POLR3D: variants seen among roughly 807,000 people sequenced by gnomAD.
POLR3D encodes DNA-directed RNA polymerase III subunit RPC4.
POLR3D carries 42 observed loss-of-function variants against 44.5 expected under a neutral mutation model. The observed-to-expected ratio is 0.94, with a 90% CI of 0.74 to 1.22. The LOEUF (loss-of-function observed/expected upper bound fraction) is 1.22. Ranked by LOEUF, POLR3D falls within the 50% of genes most tolerant of loss-of-function variation. POLR3D has a pLI of 0.00. For missense variants in POLR3D, 507 were observed against 505.2 expected, an observed-to-expected ratio of 1.00 and a Z score of -0.03; for synonymous variants, 217 against 198.1, an observed-to-expected ratio of 1.10 and a Z score of -0.80.
chr8:22,249,957 C>A, intron 7 of POLR3D, 118 bp from the exon 8 acceptor site: 1 of 1,132,336 alleles, frequency 8.8e-7, no homozygotes, highest in Non-Finnish European at 1.3e-6. Flanking sequence ...AGAAGGCACT[C>A]TTTGGGGAGC....
chr8:22,247,634 T>G (rs538604443), intron 3 of POLR3D, among the ~76,000 whole-genome samples: 1 of 152,244 alleles, frequency 6.6e-6, no homozygotes, highest in African/African-American at 2.4e-5. Flanking sequence ...CAAACAAAAA[T>G]CTATATTTTT....
At chr8:22,248,685 T>C (rs1475660022) in intron 6 of POLR3D, 36 bp downstream of exon 6, 9 of 1,583,050 alleles carry the variant, frequency 5.7e-6, no homozygotes, top group South Asian at 1.1e-5. Context: ...TCCAATTCCA[T>C]GGCTGCTCCC....
Position 22,250,378 on chromosome 8 carries a change from GTCTCTGTTA to G in POLR3D, c.1075-17_1075-9del, listed in dbSNP as rs1467512987. On this transcript the variant is annotated splice_polypyrimidine_tract_variant and intron_variant, in intron 8 of 8. Transcript: ENST00000306433. ...GCACGTGGTGGTGGTTCTCATCACT[GTCTCTGTTA>G]ATTGGCAGGAGCTGGTGTCCGTGGG... is the stretch of plus-strand genomic sequence containing the variant. The G allele has an allele frequency of 3.1e-6, 5 of 1,614,012 alleles. No individual in the cohort carries two copies. Among genetic ancestry groups the G allele is most frequent in the Non-Finnish European group, 4.2e-6 (5 of 1,180,006 alleles).
chr8:22,247,146 T>G, intron 2 of POLR3D, 75 bp from the exon 3 acceptor site: 1 of 1,154,612 alleles, frequency 8.7e-7, no homozygotes, highest in Non-Finnish European at 1.3e-6. Context: ...AAGATGCCCT[T>G]TGGGAATTTT....
chr8:22,250,396 G>T lies in POLR3D; in HGVS notation c.1075G>T (p.Glu359Ter), dbSNP rs768454669. 1.9e-6 allele frequency: 3 copies of T among 1,614,080 alleles called. No homozygotes were observed. Among genetic ancestry groups the T allele is most frequent in the African/African-American group, 2.7e-5 (2 of 74,936 alleles). The change falls in exon 9 of 9, where the codon GAG becomes TAG. Residue 359 changes from glutamate to a stop codon, truncating the protein, a stop_gained and splice_region_variant. Transcript: ENST00000306433. LOFTEE classifies it high-confidence loss of function. ...TMGTACSFLQ[E>*]LVSVGLGDSR... ...CATCACTGTCTCTGTTAATTGGCAG[G>T]AGCTGGTGTCCGTGGGCCTTGGAGA...
Position 22,248,229 on chromosome 8 carries a change from A to C in POLR3D, c.437A>C (p.Glu146Ala), listed in dbSNP as rs766471352. 3.1e-6 allele frequency: 5 copies of C among 1,614,070 alleles called. No individual in the cohort carries two copies. In the South Asian group the frequency reaches 5.5e-5, roughly 18 times the overall value. ...HIINIKKEKRETDEETKQILR... is the reference protein window; with the variant it reads ...HIINIKKEKRATDEETKQILR... Reference sequence around the variant, plus strand: ...ATCAACATCAAAAAAGAGAAGAGAGAGACAGACGAAGAAACTAAACAGATC... The same window carrying C: ...ATCAACATCAAAAAAGAGAAGAGAGCGACAGACGAAGAAACTAAACAGATC... Residue 146 changes from glutamate (E) to alanine (A), a missense_variant, in exon 5 of 9, where the codon GAG (glutamate) becomes GCG (alanine). By Grantham distance (107) the Glu-to-Ala change is moderately radical (BLOSUM62 -1). Transcript: ENST00000306433.
At chr8:22,249,948 G>A in intron 7 of POLR3D, 127 bp from the exon 8 acceptor site, 1 of 954,670 alleles carries the variant, frequency 1.0e-6, no homozygotes, top group East Asian at 2.4e-5. Context: ...AGCCCTAGGA[G>A]AAGGCACTCT....
At chr8:22,247,797 A>C in intron 3 of POLR3D, 60 bp from the exon 4 acceptor site, 2 of 1,539,796 alleles carry the variant, frequency 1.3e-6, no homozygotes, top group Non-Finnish European at 1.8e-6. Context: ...TGGGAGAGTA[A>C]GGCCAGATTT....
At chr8:22,248,893 C>T (rs999136366) in intron 6 of POLR3D, 151 bp from the exon 7 acceptor site, 6 of 891,178 alleles carry the variant, frequency 6.7e-6, no homozygotes, top group East Asian at 4.9e-5. Flanking sequence ...GAGACTTGAA[C>T]GTGTTGTCTC....
intron 7 of POLR3D, among the ~76,000 whole-genome samples, chr8:22,249,556 G>T (rs1830081529): frequency 1.3e-5 from 2 of 152,330 alleles, no homozygotes; most frequent in African/African-American, 4.8e-5. Context: ...ATGGCCAGAT[G>T]CGGTGGCTCA....
chr8:22,245,512 T>C lies in POLR3D; in HGVS notation c.63T>C (p.Thr21=), dbSNP rs1263036083. 7.8e-7 allele frequency: 1 copy of C among 1,287,814 alleles called. No homozygotes were observed. Among genetic ancestry groups the C allele is most frequent in the East Asian group, 2.9e-5 (1 of 34,680 alleles). The allele number at this position is 1,287,814 out of a possible 1,614,324, so 79.8% of individuals were successfully genotyped here. Residue 21 remains threonine, a synonymous_variant, in exon 2 of 9, where the codon ACT becomes ACC. Coordinates refer to ENST00000306433, the MANE Select transcript of POLR3D (RefSeq NM_001722.3). ...STPGGPRPLL[T]GARGLIGRRP... is the part of the protein sequence containing the mutation. ...CGGGAGGGCCCCGACCTCTCCTGAC[T>C]GGGGCCCGGGGGCTCATCGGGCGGC...
rs1424527815 is a variant in POLR3D, at chr8:22,250,424, G to A, written c.1103G>A (p.Ser368Asn). The A allele has an allele frequency of 1.9e-6, 3 of 1,614,094 alleles. No individual in the cohort carries two copies. The highest frequency in any genetic ancestry group is 2.7e-5 in the African/African-American group (2 of 74,944). The change falls in exon 9 of 9, where the codon AGT becomes AAT. Residue 368 changes from serine to asparagine, a missense_variant. Physicochemically the swap from Ser to Asn is conservative, Grantham distance 46. Transcript: ENST00000306433. The stretch of plus-strand genomic sequence containing the variant: ...CTGGTGTCCGTGGGCCTTGGAGACA[G>A]TAGGACAGGGGAGATGACAGTCCTG... ...QELVSVGLGD[S>N]RTGEMTVLGH...
Position 22,250,739 on chromosome 8 carries a change from G to A in POLR3D, c.*221G>A, listed in dbSNP as rs1830098337. ...GAGATGGCACATCCTTGCTGCTGGGGACTTGGCCCTGCTATTTATTTTTGT... is the reference window on the plus strand; with the variant it reads ...GAGATGGCACATCCTTGCTGCTGGGAACTTGGCCCTGCTATTTATTTTTGT... On this transcript the variant is annotated 3_prime_UTR_variant, in exon 9 of 9. Transcript: ENST00000306433. The A allele has an allele frequency of 1.4e-5, 8 of 588,396 alleles. No homozygotes were observed. In the South Asian group the frequency reaches 1.6e-4, roughly 12 times the overall value. The allele number at this position is 588,396 out of a possible 1,614,324, so 36.4% of individuals were successfully genotyped here.
intron 7 of POLR3D, among the ~76,000 whole-genome samples, chr8:22,249,829 TAAGAG>T (rs1036235240): frequency 6.6e-6 from 1 of 152,078 alleles, no homozygotes; most frequent in African/African-American, 2.4e-5. Flanking sequence ...CTCAAAAAAA[TAAGAG>T]AACGTAAACC....
In POLR3D at chr8:22,247,988, C is replaced by G. The variant is rs769072041; in HGVS notation, c.341C>G (p.Ala114Gly). 6 of 1,613,588 alleles carry G rather than the reference C, an allele frequency of 3.7e-6. No homozygotes were observed. Among genetic ancestry groups the G allele is most frequent in the African/African-American group, 2.7e-5 (2 of 74,874 alleles). The part of the protein sequence containing the change: ...QSHSIFEQGP[A>G]EMMKKKGNWD... ...CACTCCATCTTTGAGCAGGGCCCAG[C>G]TGAAATGATGAAGAAAAAAGGTATA... is the stretch of plus-strand genomic sequence containing the variant. The change falls in exon 4 of 9, where the codon GCT becomes GGT. Residue 114 changes from alanine to glycine, a missense_variant. By Grantham distance (60) the Ala-to-Gly change is moderately conservative. Coordinates refer to ENST00000306433, the MANE Select transcript of POLR3D (RefSeq NM_001722.3).
chr8:22,254,492 TAC>T lies in POLR3D; in HGVS notation c.*3979_*3980del, dbSNP rs1404375734. 2 of 152,148 alleles carry T rather than the reference TAC, an allele frequency of 1.3e-5. No individual in the cohort carries two copies. Among genetic ancestry groups the T allele is most frequent in the Non-Finnish European group, 2.9e-5 (2 of 68,052 alleles). The allele number at this position is 152,148 out of a possible 1,614,324, so 9.4% of individuals were successfully genotyped here. A position where few individuals can be genotyped will look rare whatever the true frequency, so the allele number is the denominator to read the frequency against. On this transcript the variant is annotated 3_prime_UTR_variant, in exon 9 of 9. Coordinates refer to ENST00000306433, the MANE Select transcript of POLR3D (RefSeq NM_001722.3). ...AACCTTGTCTCTGAAAAATAAATAA[TAC>T]ACACCCACATGCACACACATCCAGT...
intron 3 of POLR3D, 40 bp downstream of exon 3, chr8:22,247,304 C>T (rs544295702): frequency 8.5e-6 from 13 of 1,524,590 alleles, no homozygotes; most frequent in East Asian, 6.8e-5. Context: ...CCCTTATTTA[C>T]TTGCTCTGAA....
Position 22,246,430 on chromosome 8 carries a change from G to A in POLR3D, c.166-791G>A, listed in dbSNP as rs987485583. ...CAGGTGTGAGCCACCGCTCCTGGCC[G>A]AATAAAGCGGTTTTTTGGTTTTTTG... is the stretch of plus-strand genomic sequence containing the variant. On this transcript the variant is annotated intron_variant, in intron 2 of 8. Transcript: ENST00000306433. 5.4e-5 allele frequency among the ~76,000 whole-genome samples: 8 copies of A among 148,988 alleles called. 1 individual carries two copies. The South Asian group carries it at 6.4e-4, about 12-fold the overall frequency.
At chr8:22,248,950 T>C in intron 6 of POLR3D, 94 bp from the exon 7 acceptor site, 1 of 1,397,834 alleles carries the variant, frequency 7.2e-7, no homozygotes, top group East Asian at 2.3e-5. Context: ...CCTGGCTGAG[T>C]GACAGTGGAG....
Sources: gnomAD v4.1 joint callset for allele counts (sites outside exome capture counted in the v4.1 genomes callset) on GRCh38, gnomAD v4.1.1 for gene constraint, MANE v1.5 for transcripts, NCBI Gene and HGNC (gene_info 2026-07-23, HGNC 2026-07-21) for gene names.